Variants in NPAS3 observed in about 807,000 individuals in gnomAD.
NPAS3 encodes the protein neuronal PAS domain protein 3.
NPAS3 carries 14 observed loss-of-function variants against 73.1 expected under a neutral mutation model. The ratio of observed to expected loss-of-function variants is 0.19; its 90% CI spans 0.13 to 0.30. NPAS3 has a LOEUF of 0.30. Among genes scored for constraint, NPAS3 ranks in the 10% least tolerant of loss-of-function variants. The pLI, the probability that NPAS3 is intolerant of heterozygous loss-of-function variation, is 1.00. For synonymous variants in NPAS3, 620 were observed against 541.5 expected, an observed-to-expected ratio of 1.14 and a Z score of -2.01; for missense variants, 1,096 against 1,250.0, an observed-to-expected ratio of 0.88 and a Z score of 1.86.
intron 4 of NPAS3, among the ~76,000 whole-genome samples, chr14:33,390,774 C>G (rs1441757840): frequency 6.6e-6 from 1 of 152,036 alleles, no homozygotes; most frequent in Non-Finnish European, 1.5e-5. Context: ...TTACATTGCA[C>G]TTTTAGGGTC....
At chr14:33,470,044 A>T (rs944108916) in intron 4 of NPAS3, among the ~76,000 whole-genome samples, 1 of 152,118 alleles carries the variant, frequency 6.6e-6, no homozygotes, top group African/African-American at 2.4e-5. Flanking sequence ...CTGAGATCTC[A>T]TCTAGGACTT....
chr14:33,634,732 G>GGTTAA (rs2058469026), intron 5 of NPAS3, among the ~76,000 whole-genome samples: 1 of 152,210 alleles, frequency 6.6e-6, no homozygotes, highest in African/African-American at 2.4e-5. Context: ...GGCTGAATTG[G>GGTTAA]GTTAAGTTTT....
chr14:33,207,014 C>G (rs970653455), intron 2 of NPAS3, among the ~76,000 whole-genome samples: 3 of 152,126 alleles, frequency 2.0e-5, no homozygotes, highest in African/African-American at 7.2e-5. Flanking sequence ...GATGAGAAAG[C>G]CTTTATCCCA....
chr14:33,296,012 C>T (rs1008291773), intron 3 of NPAS3, among the ~76,000 whole-genome samples: 2 of 152,166 alleles, frequency 1.3e-5, no homozygotes, highest in African/African-American at 4.8e-5. Context: ...CAATACAAGA[C>T]ATAACATATT....
intron 3 of NPAS3, among the ~76,000 whole-genome samples, chr14:33,216,131 T>A (rs916206704): frequency 2.0e-5 from 3 of 152,178 alleles, no homozygotes; most frequent in African/African-American, 7.2e-5. Context: ...TATGTATATG[T>A]GGTGTTGGCC....
At chr14:33,044,713 G>C (rs2040448588) in intron 1 of NPAS3, among the ~76,000 whole-genome samples, 1 of 150,668 alleles carries the variant, frequency 6.6e-6, no homozygotes, top group Non-Finnish European at 1.5e-5. Flanking sequence ...GACCTGTGAT[G>C]AGTGTTGTGA....
intron 4 of NPAS3, among the ~76,000 whole-genome samples, chr14:33,504,106 T>C (rs1014583622): frequency 4.6e-5 from 7 of 151,950 alleles, no homozygotes; most frequent in African/African-American, 9.7e-5. Context: ...ACATTAAGTA[T>C]AGAAAAGCTT....
Position 33,448,760 on chromosome 14 carries a change from G to A in NPAS3, c.468+81492G>A, listed in dbSNP as rs1005035131. 3.9e-5 allele frequency among the ~76,000 whole-genome samples: 6 copies of A among 152,264 alleles called. No homozygotes were observed. The East Asian group carries it at 5.8e-4, about 15-fold the overall frequency. On this transcript the variant is annotated intron_variant, in intron 4 of 11. Transcript: ENST00000356141. ...AGTGCCCCTGAGACAAGGATGAAAC[G>A]TTGCCGAAAACTGCTGTCCCTCTTC...
rs559247224 is a variant in NPAS3, at chr14:33,424,909, C to A, written c.468+57641C>A. On this transcript the variant is annotated intron_variant, in intron 4 of 11. Coordinates refer to ENST00000356141, the Ensembl canonical transcript of NPAS3. ...AGATGGAATTGAAGCAACTCAGAGTCTGGGTAAGGTTGAAGGACTATGTGT... is the reference window on the plus strand; with the variant it reads ...AGATGGAATTGAAGCAACTCAGAGTATGGGTAAGGTTGAAGGACTATGTGT... Among the ~76,000 whole-genome samples the A allele has an allele frequency of 8.2e-4, 124 of 151,964 alleles. 1 individual carries two copies. The highest frequency in any genetic ancestry group is 2.7e-3 in the African/African-American group (111 of 41,476).
intron 4 of NPAS3, among the ~76,000 whole-genome samples, chr14:33,381,030 C>A (rs2046527721): frequency 6.6e-6 from 1 of 151,210 alleles, no homozygotes; most frequent in South Asian, 2.1e-4. Context: ...GGGAAGTCTG[C>A]AAGTTCTACA....
chr14:33,028,320 G>A (rs149401351), intron 1 of NPAS3, among the ~76,000 whole-genome samples: 92 of 152,258 alleles, frequency 6.0e-4, no homozygotes, highest in African/African-American at 2.1e-3. Flanking sequence ...TCATTTCTGT[G>A]TTGTGTTTTG....
At chr14:33,039,124 T>C (rs940746649) in intron 1 of NPAS3, among the ~76,000 whole-genome samples, 4 of 152,206 alleles carry the variant, frequency 2.6e-5, no homozygotes, top group African/African-American at 9.6e-5. Flanking sequence ...CTTAACTTCT[T>C]TCATTGAGTG....
intron 1 of NPAS3, among the ~76,000 whole-genome samples, chr14:33,009,343 G>T (rs2039109519): frequency 6.6e-6 from 1 of 152,164 alleles, no homozygotes; most frequent in Non-Finnish European, 1.5e-5. Flanking sequence ...GGCTCTAACA[G>T]TTGAGGGTCA....
chr14:32,936,389 A>T (rs2035695521), upstream of NPAS3, among the ~76,000 whole-genome samples: 1 of 151,842 alleles, frequency 6.6e-6, no homozygotes, highest in Non-Finnish European at 1.5e-5. Flanking sequence ...AAATTATTTT[A>T]GTCTTGTTTT....
intron 2 of NPAS3, among the ~76,000 whole-genome samples, chr14:33,184,151 G>C (rs781641429): frequency 6.6e-6 from 1 of 152,162 alleles, no homozygotes; most frequent in Non-Finnish European, 1.5e-5. Context: ...TGAGCTTTCT[G>C]TGATTGGTCC....
intron 1 of NPAS3, among the ~76,000 whole-genome samples, chr14:32,955,457 A>G (rs2036638163): frequency 6.6e-6 from 1 of 152,148 alleles, no homozygotes. Flanking sequence ...AGGAGACAAG[A>G]TAACATGGAA....
intron 7 of NPAS3, among the ~76,000 whole-genome samples, chr14:33,772,293 C>T (rs544314430): frequency 6.6e-6 from 1 of 152,246 alleles, no homozygotes; most frequent in Non-Finnish European, 1.5e-5. Context: ...CAGAAAATTG[C>T]GAGTCGAGAC....
intron 4 of NPAS3, among the ~76,000 whole-genome samples, chr14:33,417,452 A>C (rs1430079158): frequency 2.0e-5 from 3 of 152,044 alleles, no homozygotes; most frequent in Admixed American, 6.6e-5. Context: ...CGTTATTGTG[A>C]ATTTGCCATT....
At chr14:33,666,601 G>GTAGTC (rs1176249066) in intron 5 of NPAS3, among the ~76,000 whole-genome samples, 1 of 152,188 alleles carries the variant, frequency 6.6e-6, no homozygotes, top group African/African-American at 2.4e-5. Flanking sequence ...GTGACCTACA[G>GTAGTC]TAGTCTTGTC....
Sources: gnomAD v4.1 joint callset for allele counts (sites outside exome capture counted in the v4.1 genomes callset) on GRCh38, gnomAD v4.1.1 for gene constraint, MANE v1.5 for transcripts, NCBI Gene and HGNC (gene_info 2026-07-23, HGNC 2026-07-21) for gene names.